Variants in MAN2A2 observed in about 807,000 individuals in gnomAD.
MAN2A2 encodes the protein alpha-mannosidase 2x.
MAN2A2 carries 79 observed loss-of-function variants against 126.8 expected under a neutral mutation model. The observed-to-expected ratio is 0.62, with a 90% CI of 0.52 to 0.75. The LOEUF is 0.75. Among genes scored for constraint, MAN2A2 ranks in the 30% least tolerant of loss-of-function variants. The pLI, the probability that MAN2A2 is intolerant of heterozygous loss-of-function variation, is 0.00. For missense variants in MAN2A2, 1,392 were observed against 1,522.4 expected, an observed-to-expected ratio of 0.91 and a Z score of 1.43; for synonymous variants, 671 against 618.7, an observed-to-expected ratio of 1.08 and a Z score of -1.25.
chr15:90,914,682 G>C (rs1045904262), intron 19 of MAN2A2, among the ~76,000 whole-genome samples: 5 of 152,154 alleles, frequency 3.3e-5, no homozygotes, highest in African/African-American at 1.2e-4. Context: ...ACCATGCGCA[G>C]CTAGTTTTTC....
chr15:90,918,050 C>A, intron 20 of MAN2A2, 144 bp from the exon 21 acceptor site: 1 of 732,394 alleles, frequency 1.4e-6, no homozygotes, highest in Non-Finnish European at 2.3e-6. Context: ...GGAACCTCGC[C>A]TGGAGCCAGG....
chr15:90,913,435 C>T (rs1359801971), intron 18 of MAN2A2, 29 bp downstream of exon 18: 1 of 1,578,812 alleles, frequency 6.3e-7, no homozygotes, highest in Non-Finnish European at 8.7e-7. Context: ...TCTCGGAGAC[C>T]CCACAGAGTA....
rs1482152510 is a variant in MAN2A2, at chr15:90,913,611, C to T, written c.2719-3C>T. The stretch of plus-strand genomic sequence containing the variant: ...CCTTGATCTGCTGGCCTTGCCCCCA[C>T]AGGTGCAGCCCCGACGGTATCTGAA... On this transcript the variant is annotated splice_polypyrimidine_tract_variant and splice_region_variant and intron_variant, in intron 18 of 22. Coordinates refer to ENST00000559717, the MANE Select transcript of MAN2A2 (RefSeq NM_006122.4). 1.2e-6 allele frequency: 2 copies of T among 1,608,496 alleles called. No individual in the cohort carries two copies. The highest frequency in any genetic ancestry group is 1.3e-5 in the African/African-American group (1 of 74,732).
chr15:90,913,018 TGG>T (rs1370593913), intron 17 of MAN2A2, 27 bp downstream of exon 17: 3 of 1,577,284 alleles, frequency 1.9e-6, no homozygotes, highest in Non-Finnish European at 2.6e-6. Context: ...AGGAAGGGTC[TGG>T]AAGGAGGTGT....
At chr15:90,903,518 C>T (rs1302545153) in intron 1 of MAN2A2, 86 bp downstream of exon 1, 2 of 155,792 alleles carry the variant, frequency 1.3e-5, no homozygotes, top group African/African-American at 4.8e-5. Flanking sequence ...CCGTCTCTCC[C>T]TTCCCAGGGG....
intron 14 of MAN2A2, 181 bp from the exon 15 acceptor site, chr15:90,911,862 C>T (rs1239424765): frequency 7.6e-6 from 5 of 659,970 alleles, no homozygotes; most frequent in African/African-American, 7.2e-5. Flanking sequence ...TCAAATATCA[C>T]TTGAGAATCA....
intron 7 of MAN2A2, 99 bp from the exon 8 acceptor site, chr15:90,907,210 C>T: frequency 8.3e-7 from 1 of 1,211,502 alleles, no homozygotes. Flanking sequence ...GTTACAGCCT[C>T]GCGGTCTATC....
intron 4 of MAN2A2, 44 bp downstream of exon 4, chr15:90,905,767 A>G (rs1269128672): frequency 6.2e-7 from 1 of 1,609,172 alleles, no homozygotes; most frequent in Non-Finnish European, 8.5e-7. Flanking sequence ...GTGGAGTGGG[A>G]TTTCTGATGG....
In MAN2A2 at chr15:90,905,569, C is replaced by G; in HGVS notation, c.391-10C>G. 6.2e-7 allele frequency: 1 copy of G among 1,614,164 alleles called. No homozygotes were observed. The highest frequency in any genetic ancestry group is 1.7e-4 in the Middle Eastern group (1 of 6,060). On this transcript the variant is annotated splice_polypyrimidine_tract_variant and intron_variant, in intron 3 of 22. Transcript: ENST00000559717. ...ACGACTGGGGTACTGAGCTGCAGTT[C>G]ACCTGGCAGATGCTCACTGTGTCGG... is the stretch of plus-strand genomic sequence containing the variant.
rs368403610 is a variant in MAN2A2, at chr15:90,913,260, T to C, written c.2585-13T>C. On this transcript the variant is annotated splice_polypyrimidine_tract_variant and intron_variant, in intron 17 of 22. Transcript: ENST00000559717. Reference sequence around the variant, plus strand: ...CACACCTGTCCATGCCCCCACTTTGTTCCTGTACCCAGGGGTGGAGGGGCT... The same window carrying C: ...CACACCTGTCCATGCCCCCACTTTGCTCCTGTACCCAGGGGTGGAGGGGCT... 1.9e-6 allele frequency: 3 copies of C among 1,613,222 alleles called. No individual in the cohort carries two copies. Among genetic ancestry groups the C allele is most frequent in the Non-Finnish European group, 1.7e-6 (2 of 1,179,644 alleles).
chr15:90,910,989 A>T (rs772490063), intron 12 of MAN2A2, 28 bp downstream of exon 12: 1 of 1,588,452 alleles, frequency 6.3e-7, no homozygotes, highest in Non-Finnish European at 8.6e-7. Flanking sequence ...CTGCATGGGG[A>T]CCCTCTGGTG....
intron 19 of MAN2A2, among the ~76,000 whole-genome samples, chr15:90,914,821 A>C (rs1293430041): frequency 2.0e-5 from 3 of 152,192 alleles, no homozygotes; most frequent in African/African-American, 7.2e-5. Flanking sequence ...CCCGGCCAAG[A>C]CTGACGTTCT....
At chr15:90,915,175 C>G (rs56381129) in intron 19 of MAN2A2, among the ~76,000 whole-genome samples, 56 of 152,352 alleles carry the variant, frequency 3.7e-4, no homozygotes, top group African/African-American at 1.3e-3. Flanking sequence ...CTCCTCTCCC[C>G]CTCTGGGATA....
chr15:90,918,240 T>G lies in MAN2A2; in HGVS notation c.3041T>G (p.Leu1014Arg), dbSNP rs749309915. 1.9e-6 allele frequency: 3 copies of G among 1,614,036 alleles called. No individual in the cohort carries two copies. The South Asian group carries it at 3.3e-5, about 18-fold the overall frequency. The change falls in exon 21 of 23, where the codon CTG (leucine) becomes CGG (arginine). Residue 1014 changes from leucine (L) to arginine (R), a missense_variant. Transcript: ENST00000559717. ...STSYPSLLSH[L>R]TSMYLNAPAL... ...AGCTACCCATCCCTCCTCAGCCACC[T>G]GACCTCCATGTACCTGAACGCCCCG...
chr15:90,910,277 T>G lies in MAN2A2; in HGVS notation c.1562T>G (p.Leu521Arg). 1 of 1,614,090 alleles carries G rather than the reference T, an allele frequency of 6.2e-7. No individual in the cohort carries two copies. ...TTCTACAAGAGCTTAGACCGAGTCC[T>G]GGAAGCCCACCTGCGGTGAGACCCT... ...RPFYKSLDRV[L>R]EAHLRGAEVL... The change falls in exon 10 of 23, where the codon CTG (leucine) becomes CGG (arginine). Residue 521 changes from leucine (L) to arginine (R), a missense_variant. By Grantham distance (102) the Leu-to-Arg change is moderately radical (BLOSUM62 -2). Coordinates refer to ENST00000559717, the MANE Select transcript of MAN2A2 (RefSeq NM_006122.4).
chr15:90,913,252 C>G, intron 17 of MAN2A2, 21 bp from the exon 18 acceptor site: 3 of 1,612,774 alleles, frequency 1.9e-6, no homozygotes, highest in Middle Eastern at 1.7e-4. Flanking sequence ...GTCCATGCCC[C>G]CACTTTGTTC....
chr15:90,912,017 C>T (rs1230248147), intron 14 of MAN2A2, 26 bp from the exon 15 acceptor site: 1 of 1,591,044 alleles, frequency 6.3e-7, no homozygotes, highest in Non-Finnish European at 8.6e-7. Flanking sequence ...CGTGCCCCCA[C>T]TTCCTCACCC....
chr15:90,909,667 G>A (rs1305359212), intron 9 of MAN2A2, among the ~76,000 whole-genome samples, 163 bp downstream of exon 9: 11 of 150,564 alleles, frequency 7.3e-5, no homozygotes, highest in Admixed American at 1.3e-4. Context: ...TCAGTGGCGC[G>A]ATCTTGGCTC....
chr15:90,912,565 G>A lies in MAN2A2; in HGVS notation c.2370G>A (p.Glu790=), dbSNP rs1379213502. The change falls in exon 16 of 23, where the codon GAG becomes GAA. Residue 790 remains glutamate, a synonymous_variant. Transcript: ENST00000559717. ...AGAGCATCCGAAGGGTGGATGAGGA[G>A]CACGAGCAGCAGGTGGACATGCAGG... ...LLKSIRRVDE[E]HEQQVDMQVL... 10 of 1,614,072 alleles carry A rather than the reference G, an allele frequency of 6.2e-6. No homozygotes were observed. Among genetic ancestry groups the A allele is most frequent in the South Asian group, 2.2e-5 (2 of 91,084 alleles).
Sources: allele counts gnomAD v4.1 joint callset (sites outside exome capture counted in the v4.1 genomes callset), GRCh38; gene constraint gnomAD v4.1.1; transcripts MANE v1.5; gene names NCBI Gene and HGNC (gene_info 2026-07-23, HGNC 2026-07-21).